Variants in STX8 observed in about 807,000 individuals in gnomAD.
STX8 encodes the protein syntaxin 8.
A neutral mutation model predicts 37.5 loss-of-function variants in STX8; 23 were observed. The observed-to-expected ratio is 0.61, with a 90% CI of 0.44 to 0.87. STX8 has a LOEUF of 0.87. Ranked by LOEUF, STX8 falls within the 40% of genes least tolerant of loss-of-function variation. STX8 has a pLI of 0.00. For synonymous variants in STX8, 115 were observed against 99.1 expected (o/e 1.16, Z -0.95); for missense variants, 313 against 284.7 (o/e 1.10, Z -0.71).
Position 9,441,538 on chromosome 17 carries a change from T to C in STX8, c.541+50291A>G, listed in dbSNP as rs542016335. On this transcript the variant is annotated intron_variant, in intron 6 of 7. Coordinates refer to ENST00000306357, the MANE Select transcript of STX8 (RefSeq NM_004853.3). ...CAAATATCCTTATATCCTTTGACCT[T>C]GTTAATCACACTCCTGATCGTCCTC... 3.9e-5 allele frequency among the ~76,000 whole-genome samples: 6 copies of C among 152,086 alleles called. No homozygotes were observed. In the East Asian group the frequency reaches 1.2e-3, roughly 29 times the overall value.
At chr17:9,290,420 C>T (rs1428237667) in intron 7 of STX8, among the ~76,000 whole-genome samples, 1 of 152,210 alleles carries the variant, frequency 6.6e-6, no homozygotes, top group African/African-American at 2.4e-5. Context: ...CAGAAGAGAA[C>T]ACACATTCAT....
intron 6 of STX8, among the ~76,000 whole-genome samples, chr17:9,446,934 T>A (rs1289987391): frequency 6.6e-6 from 1 of 152,206 alleles, no homozygotes; most frequent in East Asian, 1.9e-4. Context: ...TTAATCTTGA[T>A]TTGATAGGAT....
intron 6 of STX8, among the ~76,000 whole-genome samples, chr17:9,387,297 CT>C (rs918640141): frequency 2.0e-5 from 3 of 151,398 alleles, no homozygotes; most frequent in Admixed American, 6.6e-5. Flanking sequence ...TAAAAGTGGG[CT>C]TTTTTTTCTT....
At chr17:9,454,024 T>C (rs16958298) in intron 6 of STX8, among the ~76,000 whole-genome samples, 1,952 of 152,284 alleles carry the variant, frequency 0.013, 39 homozygotes, top group African/African-American at 0.043. Flanking sequence ...TAAGAAACTA[T>C]GTCATAAAGT....
At chr17:9,343,744 A>C (rs1910446943) in intron 7 of STX8, among the ~76,000 whole-genome samples, 1 of 148,888 alleles carries the variant, frequency 6.7e-6, no homozygotes, top group African/African-American at 2.5e-5. Context: ...AGCCAACCCC[A>C]CCCCCTCCTC....
intron 7 of STX8, among the ~76,000 whole-genome samples, chr17:9,261,047 A>T (rs907265139): frequency 2.0e-5 from 3 of 152,248 alleles, no homozygotes; most frequent in African/African-American, 4.8e-5. Flanking sequence ...CTGGTCTAGA[A>T]GCAGGAAATT....
intron 2 of STX8, among the ~76,000 whole-genome samples, chr17:9,559,925 C>A (rs975527247): frequency 2.7e-5 from 4 of 148,612 alleles, no homozygotes; most frequent in Admixed American, 1.3e-4. Context: ...CCATGCCCAG[C>A]TAATTTTTGT....
chr17:9,529,263 GAGA>G (rs1288555006), intron 4 of STX8, among the ~76,000 whole-genome samples: 2 of 152,078 alleles, frequency 1.3e-5, no homozygotes, highest in African/African-American at 4.8e-5. Context: ...GAGAGAGAGA[GAGA>G]GAGAGAGTGT....
intron 6 of STX8, among the ~76,000 whole-genome samples, chr17:9,438,461 T>TC (rs1904522793): frequency 6.6e-6 from 1 of 151,970 alleles, no homozygotes; most frequent in Non-Finnish European, 1.5e-5. Flanking sequence ...TTTAACAAGA[T>TC]CCCCAGGTAA....
At chr17:9,263,884 C>T (rs1394198807) in intron 7 of STX8, among the ~76,000 whole-genome samples, 1 of 152,202 alleles carries the variant, frequency 6.6e-6, no homozygotes, top group Non-Finnish European at 1.5e-5. Context: ...AGAGGTAGGA[C>T]CTGGGTCCCC....
intron 7 of STX8, among the ~76,000 whole-genome samples, chr17:9,278,094 A>G (rs943215921): frequency 3.3e-5 from 5 of 152,140 alleles, no homozygotes; most frequent in Non-Finnish European, 5.9e-5. Context: ...GAACTATCCC[A>G]GCATCTGGGT....
chr17:9,421,891 C>G (rs1328020862), intron 6 of STX8, among the ~76,000 whole-genome samples: 3 of 152,028 alleles, frequency 2.0e-5, no homozygotes, highest in Non-Finnish European at 4.4e-5. Context: ...CAATCGAGTT[C>G]TCACAAGATC....
intron 7 of STX8, among the ~76,000 whole-genome samples, chr17:9,368,176 A>AG (rs1567800021): frequency 6.6e-6 from 1 of 151,990 alleles, no homozygotes; most frequent in African/African-American, 2.4e-5. Flanking sequence ...AAAGTAATAC[A>AG]GGCTTACTGT....
intron 6 of STX8, among the ~76,000 whole-genome samples, chr17:9,429,966 T>TATAA (rs1913855808): frequency 6.4e-4 from 1 of 1,562 alleles, no homozygotes; most frequent in Non-Finnish European, 8.2e-4. Flanking sequence ...AATATATATA[T>TATAA]TATATATTAT....
rs996208733 is a variant in STX8 at position 9,356,759 on chromosome 17, G to A, written c.643+21793C>T. ...TGGCAGTCCCAGAACGAGCAAGGCA[G>A]GCCTGCTTCTGCTGCAGCCCAGGGG... On this transcript the variant is annotated intron_variant, in intron 7 of 7. Coordinates refer to ENST00000306357, the MANE Select transcript of STX8 (RefSeq NM_004853.3). Among the ~76,000 whole-genome samples the A allele has an allele frequency of 2.8e-4, 43 of 152,162 alleles. 1 individual carries two copies. The highest frequency in any genetic ancestry group is 1.0e-3 in the African/African-American group (43 of 41,460).
chr17:9,517,726 G>T (rs1194905825), intron 4 of STX8, among the ~76,000 whole-genome samples: 1 of 147,322 alleles, frequency 6.8e-6, no homozygotes, highest in Non-Finnish European at 1.5e-5. Flanking sequence ...GGCCAAGGCA[G>T]GAGGACTGTT....
At chr17:9,371,914 T>C (rs761899782) in intron 7 of STX8, among the ~76,000 whole-genome samples, 3 of 152,208 alleles carry the variant, frequency 2.0e-5, no homozygotes, top group Non-Finnish European at 2.9e-5. Context: ...TTCATGTCCA[T>C]GGTCTATTGC....
chr17:9,344,777 T>A lies in STX8; in HGVS notation c.643+33775A>T, dbSNP rs192873622. On this transcript the variant is annotated intron_variant, in intron 7 of 7. Coordinates refer to ENST00000306357, the MANE Select transcript of STX8 (RefSeq NM_004853.3). ...ATGGATGATTTCCTGGTGATATTTT[T>A]AAAATCAAACTAAGCGACTCTAAAA... 4.2e-3 allele frequency among the ~76,000 whole-genome samples: 636 copies of A among 151,016 alleles called. 2 individuals carry two copies. The highest frequency in any genetic ancestry group is 0.015 in the African/African-American group (600 of 41,252).
intron 6 of STX8, among the ~76,000 whole-genome samples, chr17:9,395,484 A>C (rs1178137823): frequency 6.6e-6 from 1 of 152,132 alleles, no homozygotes; most frequent in African/African-American, 2.4e-5. Context: ...AGCCTGAGGC[A>C]AGAGAATCGC....
Sources: gnomAD v4.1 joint callset for allele counts (sites outside exome capture counted in the v4.1 genomes callset) on GRCh38, gnomAD v4.1.1 for gene constraint, MANE v1.5 for transcripts, NCBI Gene and HGNC (gene_info 2026-07-23, HGNC 2026-07-21) for gene names.